Variants in HARS1 observed in about 807,000 individuals in gnomAD.
HARS1 encodes the protein histidyl-tRNA synthetase 1.
Under a neutral mutation model 63.6 loss-of-function variants are expected in HARS1, and 45 were observed. The ratio of observed to expected loss-of-function variants is 0.71; its 90% CI spans 0.56 to 0.91. The LOEUF (loss-of-function observed/expected upper bound fraction) is 0.91. Among genes scored for constraint, HARS1 ranks in the 40% least tolerant of loss-of-function variants. The pLI is 0.00. For synonymous variants in HARS1, 205 were observed against 247.1 expected (o/e 0.83, Z 1.60); for missense variants, 508 against 643.2 (o/e 0.79, Z 2.27).
chr5:140,674,968 T>C lies in HARS1; in HGVS notation c.1311+49A>G. The C allele has an allele frequency of 2.7e-6, 4 of 1,474,346 alleles. 1 individual carries two copies. The highest frequency in any genetic ancestry group is 2.8e-6 in the Non-Finnish European group (3 of 1,053,448). The allele number at this position is 1,474,346 out of a possible 1,614,324, so 91.3% of individuals were successfully genotyped here. On this transcript the variant is annotated intron_variant, in intron 11 of 12. Coordinates refer to ENST00000504156, the MANE Select transcript of HARS1 (RefSeq NM_002109.6). ...TATGGGTGAGCTTTTATTCAGTTTGTGTCCAGCACACCTAAGTTTGCTGCC... is the reference window on the plus strand; with the variant it reads ...TATGGGTGAGCTTTTATTCAGTTTGCGTCCAGCACACCTAAGTTTGCTGCC...
rs1758553729 is a variant in HARS1, at chr5:140,679,004, A to G, written c.520T>C (p.Cys174Arg). ...TRGRYREFYQ[C>R]DFDIAGNFDP... ...CCCCACGGTTTCCCAACACTCACAC[A>G]CTGGTAGAATTCCCGGTATCGGCCA... is the stretch of plus-strand genomic sequence containing the variant. The change falls in exon 5 of 13, where the codon TGT becomes CGT. Residue 174 changes from cysteine to arginine, a missense_variant and splice_region_variant. Cys to Arg is a radical substitution (Grantham distance 180). Around this residue, in one of 2 missense-constraint regions of HARS1, gnomAD observed 403 missense variants for 548.7 expected, o/e 0.73. Transcript: ENST00000504156. This position sits in a 1 kb window ranked among gnomAD's most constrained non-coding sequence, Gnocchi z 4.3. 3.7e-6 allele frequency: 6 copies of G among 1,613,478 alleles called. No individual in the cohort carries two copies. Among genetic ancestry groups the G allele is most frequent in the Non-Finnish European group, 5.1e-6 (6 of 1,179,760 alleles).
chr5:140,680,143 C>A (rs1758634941), intron 3 of HARS1, among the ~76,000 whole-genome samples: 1 of 151,510 alleles, frequency 6.6e-6, no homozygotes, highest in African/African-American at 2.4e-5. Context: ...GACTTCTCAG[C>A]ATGAAGTTTG....
Position 140,679,220 on chromosome 5 carries a change from A to G in HARS1, c.397-93T>C. 1.6e-6 allele frequency: 2 copies of G among 1,260,210 alleles called. No individual in the cohort carries two copies. Among genetic ancestry groups the G allele is most frequent in the South Asian group, 1.3e-5 (1 of 76,092 alleles). The allele number at this position is 1,260,210 out of a possible 1,614,324, so 78.1% of individuals were successfully genotyped here. ...AGAAGCTGGGGTCTAACCCCTCCCT[A>G]TGTGGGTAAAACTGCCACCCATAAG... On this transcript the variant is annotated intron_variant, in intron 4 of 12. Transcript: ENST00000504156. This position sits in a 1 kb window ranked among gnomAD's most constrained non-coding sequence, Gnocchi z 4.3.
Position 140,679,507 on chromosome 5 carries a change from G to A in HARS1, c.396+281C>T, listed in dbSNP as rs186312047. 36 of 426,562 alleles carry A rather than the reference G, an allele frequency of 8.4e-5. No homozygotes were observed. Among genetic ancestry groups the A allele is most frequent in the Admixed American group, 2.0e-4 (5 of 24,438 alleles). 26.4% of individuals were successfully genotyped at this position (426,562 alleles called of 1,614,324 possible). ...TTGCTAGTCCATTAAGAAGAATTTT[G>A]TTCACTGGACAGGGCAGGGGAGAGG... On this transcript the variant is annotated intron_variant, in intron 4 of 12. Transcript: ENST00000504156. The surrounding 1 kb of genome is among the most constrained non-coding windows in gnomAD (Gnocchi z 4.3).
Position 140,683,133 on chromosome 5 carries a change from T to C in HARS1, c.267A>G (p.Ala89=). The C allele has an allele frequency of 6.2e-7, 1 of 1,614,164 alleles. No individual in the cohort carries two copies. The change falls in exon 3 of 13, where the codon GCA becomes GCG. Residue 89 remains alanine, a synonymous_variant. Coordinates refer to ENST00000504156, the MANE Select transcript of HARS1 (RefSeq NM_002109.6). ...CAAATACAGGTGTATCAATGACTTC[T>C]GCACCGTGGCGCTTGAAGCAACGGA... ...VIIRCFKRHG[A]EVIDTPVFEL...
At chr5:140,684,950 AG>A (rs1758932785) in intron 2 of HARS1, 1 of 152,232 alleles carries the variant, frequency 6.6e-6, no homozygotes, top group Non-Finnish European at 1.5e-5. Context: ...AGAAGACAGC[AG>A]GATTCTCATA....
At chr5:140,686,069 A>G (rs1208782814) in intron 2 of HARS1, among the ~76,000 whole-genome samples, 1 of 149,430 alleles carries the variant, frequency 6.7e-6, no homozygotes. Context: ...AACTGGGACT[A>G]CATACAGGCG....
chr5:140,683,353 C>A (rs113489608), intron 2 of HARS1, 134 bp from the exon 3 acceptor site: 17 of 994,708 alleles, frequency 1.7e-5, no homozygotes, highest in Middle Eastern at 2.3e-4. Flanking sequence ...CTACAGGCCA[C>A]TGAGTTTTAA....
At chr5:140,691,054 G>A in intron 1 of HARS1, 110 bp from the exon 2 acceptor site, 1 of 932,812 alleles carries the variant, frequency 1.1e-6, no homozygotes. Flanking sequence ...GCCTAGCTTT[G>A]TTTCTCTCGG....
rs777231572 is a variant in HARS1 at position 140,675,151 on chromosome 5, A to G, written c.1195-18T>C. ...TCCAAAGCCTGGGGAAGGGGCAGAT[A>G]AAAGAGAGCTGGGCTAACACCTTCA... On this transcript the variant is annotated intron_variant, in intron 10 of 12. Transcript: ENST00000504156. 81 of 1,488,706 alleles carry G rather than the reference A, an allele frequency of 5.4e-5. No individual in the cohort carries two copies. Among genetic ancestry groups the G allele is most frequent in the Non-Finnish European group, 7.1e-5 (76 of 1,066,188 alleles). The allele number at this position is 1,488,706 out of a possible 1,614,324, so 92.2% of individuals were successfully genotyped here. A position where few individuals can be genotyped will look rare whatever the true frequency, so the allele number is the denominator to read the frequency against.
intron 5 of HARS1, 96 bp downstream of exon 5, chr5:140,678,905 TC>T (rs1223712191): frequency 1.6e-6 from 2 of 1,241,724 alleles, no homozygotes; most frequent in African/African-American, 3.0e-5. Context: ...ATCTGGGTCA[TC>T]CAATTTGCTC....
At chr5:140,686,657 A>G (rs1759051272) in intron 2 of HARS1, among the ~76,000 whole-genome samples, 1 of 151,196 alleles carries the variant, frequency 6.6e-6, no homozygotes, top group Non-Finnish European at 1.5e-5. Flanking sequence ...CTGGAGTGCA[A>G]TGACGCGATC....
At chr5:140,681,270 A>G (rs1293856155) in intron 3 of HARS1, among the ~76,000 whole-genome samples, 3 of 152,220 alleles carry the variant, frequency 2.0e-5, no homozygotes, top group Admixed American at 2.0e-4. Context: ...GGGTCTTTAA[A>G]GAGATGATTA....
intron 2 of HARS1, among the ~76,000 whole-genome samples, chr5:140,688,514 C>T (rs1041712759): frequency 4.6e-5 from 7 of 152,132 alleles, no homozygotes; most frequent in Admixed American, 4.6e-4. Flanking sequence ...TTTATTATAA[C>T]TAACAAAACT....
Position 140,674,125 on chromosome 5 carries a change from G to T in HARS1, c.*132C>A. ...TAAAATAACCATAATAAAAATCAAA[G>T]GCTCTGTTCTGACCACTCTTCAGGT... On this transcript the variant is annotated 3_prime_UTR_variant, in exon 13 of 13. Transcript: ENST00000504156. 5.5e-6 allele frequency: 4 copies of T among 725,168 alleles called. No individual in the cohort carries two copies. Among genetic ancestry groups the T allele is most frequent in the East Asian group, 5.3e-5 (2 of 38,004 alleles). The allele number at this position is 725,168 out of a possible 1,614,324, so 44.9% of individuals were successfully genotyped here. A position where few individuals can be genotyped will look rare whatever the true frequency, so the allele number is the denominator to read the frequency against.
rs1581510079 is a variant in HARS1, at chr5:140,679,408, G to A, written c.397-281C>T. 1.2e-5 allele frequency: 5 copies of A among 410,068 alleles called. No homozygotes were observed. The highest frequency in any genetic ancestry group is 4.5e-5 in the East Asian group (1 of 22,032). 25.4% of individuals were successfully genotyped at this position (410,068 alleles called of 1,614,324 possible). ...GGTTGGCCACAGACCAGAAAAAGGC[G>A]ACCAGAAAAAGGCCCCCATATGGGA... is the stretch of plus-strand genomic sequence containing the variant. On this transcript the variant is annotated intron_variant, in intron 4 of 12. Coordinates refer to ENST00000504156, the MANE Select transcript of HARS1 (RefSeq NM_002109.6). This position sits in a 1 kb window ranked among gnomAD's most constrained non-coding sequence, Gnocchi z 4.3.
chr5:140,682,491 G>A (rs1192391257), intron 3 of HARS1, among the ~76,000 whole-genome samples: 1 of 152,200 alleles, frequency 6.6e-6, no homozygotes, highest in Non-Finnish European at 1.5e-5. Context: ...AGTTTGGGTT[G>A]TACTATAAGT....
intron 3 of HARS1, among the ~76,000 whole-genome samples, chr5:140,681,902 A>G (rs1467350459): frequency 6.6e-6 from 1 of 152,232 alleles, no homozygotes; most frequent in Non-Finnish European, 1.5e-5. Context: ...AGTCTCATAA[A>G]TATGTACAAT....
At chr5:140,682,018 A>G (rs752417617) in intron 3 of HARS1, among the ~76,000 whole-genome samples, 1 of 152,220 alleles carries the variant, frequency 6.6e-6, no homozygotes, top group Non-Finnish European at 1.5e-5. Flanking sequence ...GAGAGAGAAC[A>G]GCTACTTTAA....
Sources: gnomAD v4.1 joint callset for allele counts (sites outside exome capture counted in the v4.1 genomes callset) on GRCh38, gnomAD v4.1.1 for gene constraint, gnomAD v4.1.1 regional missense constraint, Gnocchi (gnomAD v3.1) non-coding constraint, MANE v1.5 for transcripts, NCBI Gene and HGNC (gene_info 2026-07-23, HGNC 2026-07-21) for gene names.